GLP2R: variants seen among roughly 807,000 people sequenced by gnomAD.
GLP2R encodes the protein glucagon like peptide 2 receptor.
A neutral mutation model predicts 68.2 loss-of-function variants in GLP2R; 59 were observed. The ratio of observed to expected loss-of-function variants is 0.87; its 90% CI spans 0.70 to 1.07. GLP2R has a LOEUF of 1.07. Ranked by LOEUF, GLP2R falls within the 50% of genes least tolerant of loss-of-function variation. The pLI is 0.00. For synonymous variants in GLP2R, 270 were observed against 265.4 expected (o/e 1.02, Z -0.17); for missense variants, 548 against 677.4 (o/e 0.81, Z 2.12).
Position 9,854,512 on chromosome 17 carries a change from G to A in GLP2R, c.522G>A (p.Leu174=). The change falls in exon 5 of 13, where the codon TTG becomes TTA. Residue 174 remains leucine, a synonymous_variant. Coordinates refer to ENST00000262441, the MANE Select transcript of GLP2R (RefSeq NM_004246.3). ...SFKQNVDRYA[L]LSTLQLMYTV... ...GTGTTCAGGTGGATCGTTATGCCTT[G>A]CTGTCAACCTTGCAGCTGATGTACA... The A allele has an allele frequency of 6.2e-7, 1 of 1,608,302 alleles. No homozygotes were observed. Among genetic ancestry groups the A allele is most frequent in the South Asian group, 1.1e-5 (1 of 90,956 alleles).
At chr17:9,834,304 T>C (rs1212657339) in intron 2 of GLP2R, among the ~76,000 whole-genome samples, 1 of 152,150 alleles carries the variant, frequency 6.6e-6, no homozygotes, top group African/African-American at 2.4e-5. Flanking sequence ...ACCACATGTA[T>C]GTGGATGTGG....
chr17:9,871,860 G>A (rs1177696080), intron 10 of GLP2R, among the ~76,000 whole-genome samples: 1 of 151,642 alleles, frequency 6.6e-6, no homozygotes, highest in African/African-American at 2.4e-5. Flanking sequence ...GAGTAGCTGG[G>A]ATTACAGGCA....
chr17:9,866,052 C>T, intron 9 of GLP2R: 2 of 382,478 alleles, frequency 5.2e-6, no homozygotes, highest in Middle Eastern at 4.9e-4. Context: ...GATTCTAGGA[C>T]TCTGTGCATT....
At chr17:9,846,213 T>G (rs1478774558) in intron 4 of GLP2R, among the ~76,000 whole-genome samples, 1 of 152,234 alleles carries the variant, frequency 6.6e-6, no homozygotes, top group Non-Finnish European at 1.5e-5. Context: ...TAATATGTCA[T>G]ATTCTCTAAA....
chr17:9,831,828 A>T (rs542808861), intron 1 of GLP2R, among the ~76,000 whole-genome samples: 1 of 152,182 alleles, frequency 6.6e-6, no homozygotes, highest in Non-Finnish European at 1.5e-5. Flanking sequence ...GACAGGAGAG[A>T]CGTTAAGGAG....
In GLP2R at chr17:9,889,728, T is replaced by C; in HGVS notation, c.*23T>C. ...TAGGGTGGAGTTCCACCACCCTGGCTCTGCTCCCAGGGACTCTTGAGGGGG... is the reference window on the plus strand; with the variant it reads ...TAGGGTGGAGTTCCACCACCCTGGCCCTGCTCCCAGGGACTCTTGAGGGGG... On this transcript the variant is annotated 3_prime_UTR_variant, in exon 13 of 13. Coordinates refer to ENST00000262441, the MANE Select transcript of GLP2R (RefSeq NM_004246.3). 1 of 1,449,998 alleles carries C rather than the reference T, an allele frequency of 6.9e-7. No individual in the cohort carries two copies. The highest frequency in any genetic ancestry group is 2.5e-5 in the East Asian group (1 of 40,342). 89.8% of individuals were successfully genotyped at this position (1,449,998 alleles called of 1,614,324 possible).
rs115002478 is a variant in GLP2R, at chr17:9,842,756, C to T, written c.504+140C>T. On this transcript the variant is annotated intron_variant, in intron 4 of 12. Coordinates refer to ENST00000262441, the MANE Select transcript of GLP2R (RefSeq NM_004246.3). ...TCCCCGGGGAAGCTAAGGAAGGTCC[C>T]GCAAAGCAGCAACCCTTGTGGCGGC... 2,163 of 839,900 alleles carry T rather than the reference C, an allele frequency of 2.6e-3. 29 individuals are homozygous for T. The African/African-American group carries it at 0.033, about 13-fold the overall frequency. 52.0% of individuals were successfully genotyped at this position (839,900 alleles called of 1,614,324 possible).
intron 11 of GLP2R, among the ~76,000 whole-genome samples, chr17:9,886,082 G>C (rs1338341042): frequency 2.0e-5 from 3 of 152,336 alleles, no homozygotes; most frequent in South Asian, 2.1e-4. Flanking sequence ...GCAGAGGCAA[G>C]AGCACAGGTG....
At chr17:9,857,603 T>C (rs1597390008) in intron 6 of GLP2R, 27 bp downstream of exon 6, 1 of 1,611,830 alleles carries the variant, frequency 6.2e-7, no homozygotes, top group Middle Eastern at 1.7e-4. Context: ...CTGTTTACAC[T>C]GGACTCCCCA....
intron 4 of GLP2R, among the ~76,000 whole-genome samples, chr17:9,843,164 C>T (rs2066804372): frequency 6.6e-6 from 1 of 152,182 alleles, no homozygotes; most frequent in African/African-American, 2.4e-5. Context: ...GAGGGAGTGG[C>T]ATAGCACAGG....
chr17:9,852,711 G>T, intron 4 of GLP2R: 1 of 244,854 alleles, frequency 4.1e-6, no homozygotes, highest in South Asian at 5.6e-5. Flanking sequence ...ATTCTGGTTT[G>T]ATTTTTGTGC....
chr17:9,853,901 A>G (rs556123724), intron 4 of GLP2R, among the ~76,000 whole-genome samples: 1 of 152,344 alleles, frequency 6.6e-6, no homozygotes, highest in South Asian at 2.1e-4. Context: ...ACAAGAAAAT[A>G]AAACTACAGA....
At chr17:9,876,454 A>G (rs955149897) in intron 10 of GLP2R, among the ~76,000 whole-genome samples, 2 of 152,230 alleles carry the variant, frequency 1.3e-5, no homozygotes, top group Non-Finnish European at 2.9e-5. Flanking sequence ...TCATGGGGGA[A>G]GTATGATTGA....
At chr17:9,862,990 G>A (rs1341868007) in intron 9 of GLP2R, among the ~76,000 whole-genome samples, 1 of 152,202 alleles carries the variant, frequency 6.6e-6, no homozygotes, top group Non-Finnish European at 1.5e-5. Context: ...AGACCTGGGT[G>A]TGACCTGGAG....
At chr17:9,857,678 T>A (rs530547212) in intron 6 of GLP2R, 102 bp downstream of exon 6, 5 of 1,130,786 alleles carry the variant, frequency 4.4e-6, no homozygotes, top group South Asian at 4.2e-5. Context: ...CAGCGGGAGA[T>A]AAGAGGGTTT....
rs142637968 is a variant in GLP2R at position 9,858,836 on chromosome 17, T to C, written c.766-1106T>C. Among the ~76,000 whole-genome samples, 251 of 152,328 alleles carry C rather than the reference T, an allele frequency of 1.6e-3. 2 individuals carry two copies. The highest frequency in any genetic ancestry group is 5.8e-3 in the African/African-American group (241 of 41,588). ...TTCTCATTTTCATTCCTGATATTGA[T>C]TATTTGTATCTTTGCTCTTTTTTCT... On this transcript the variant is annotated intron_variant, in intron 6 of 12. Coordinates refer to ENST00000262441, the MANE Select transcript of GLP2R (RefSeq NM_004246.3).
intron 11 of GLP2R, among the ~76,000 whole-genome samples, chr17:9,882,842 T>C (rs2067208955): frequency 6.6e-6 from 1 of 152,120 alleles, no homozygotes; most frequent in Non-Finnish European, 1.5e-5. Context: ...GTCCAGACAA[T>C]TTTCTAAACA....
intron 4 of GLP2R, among the ~76,000 whole-genome samples, chr17:9,853,729 T>C (rs2066912125): frequency 6.6e-6 from 1 of 152,170 alleles, no homozygotes; most frequent in Non-Finnish European, 1.5e-5. Flanking sequence ...CAGTTAAAAT[T>C]CTCTCACAGA....
intron 6 of GLP2R, 95 bp from the exon 7 acceptor site, chr17:9,859,843 AAAAG>A: frequency 1.3e-5 from 9 of 698,264 alleles, no homozygotes; most frequent in South Asian, 6.9e-5. Flanking sequence ...AAAAAAAAAA[AAAAG>A]AGGGAGAGGT....
Sources: allele counts gnomAD v4.1 joint callset (sites outside exome capture counted in the v4.1 genomes callset), GRCh38; gene constraint gnomAD v4.1.1; transcripts MANE v1.5; gene names NCBI Gene and HGNC (gene_info 2026-07-23, HGNC 2026-07-21).